Variants in RABGAP1L observed in about 807,000 individuals in gnomAD.
RABGAP1L encodes rab GTPase-activating protein 1-like.
A neutral mutation model predicts 137.7 loss-of-function variants in RABGAP1L; 63 were observed. The ratio of observed to expected loss-of-function variants is 0.46; its 90% CI spans 0.37 to 0.56. The LOEUF (loss-of-function observed/expected upper bound fraction) is 0.56. Among genes scored for constraint, RABGAP1L ranks in the 20% least tolerant of loss-of-function variants. The pLI, the probability that RABGAP1L is intolerant of heterozygous loss-of-function variation, is 0.00. For synonymous variants in RABGAP1L, 431 were observed against 433.7 expected (o/e 0.99, Z 0.08); for missense variants, 1,095 against 1,244.0 (o/e 0.88, Z 1.80).
At chr1:174,280,058 A>AGAGG in intron 10 of RABGAP1L, among the ~76,000 whole-genome samples, 1 of 143,236 alleles carries the variant, frequency 7.0e-6, no homozygotes, top group East Asian at 2.0e-4. Flanking sequence ...GGAGAGAGAG[A>AGAGG]GAGAGAGAGA....
At chr1:174,855,218 C>G (rs1339287103) in intron 19 of RABGAP1L, among the ~76,000 whole-genome samples, 1 of 151,992 alleles carries the variant, frequency 6.6e-6, no homozygotes, top group Non-Finnish European at 1.5e-5. Flanking sequence ...TAGTAGAGAC[C>G]AATCTATTTT....
At chr1:174,273,174 A>G (rs554307906) in intron 8 of RABGAP1L, among the ~76,000 whole-genome samples, 1 of 152,194 alleles carries the variant, frequency 6.6e-6, no homozygotes, top group South Asian at 2.1e-4. Flanking sequence ...AATAAGCACT[A>G]TATGCTTTCT....
chr1:174,543,179 A>T (rs1052306663), intron 13 of RABGAP1L, among the ~76,000 whole-genome samples: 1 of 152,092 alleles, frequency 6.6e-6, no homozygotes, highest in African/African-American at 2.4e-5. Context: ...GATCTGTCTA[A>T]TGTTGACAGT....
intron 7 of RABGAP1L, among the ~76,000 whole-genome samples, chr1:174,254,097 G>GT (rs796127326): frequency 0.032 from 4,666 of 145,960 alleles, 202 homozygotes; most frequent in African/African-American, 0.11. Flanking sequence ...GTTATCTGCT[G>GT]TTTTTTTTTT....
intron 18 of RABGAP1L, among the ~76,000 whole-genome samples, chr1:174,765,050 C>T (rs550745348): frequency 6.6e-6 from 1 of 152,170 alleles, no homozygotes; most frequent in African/African-American, 2.4e-5. Context: ...CTGTCCGTGT[C>T]AATCTCATCT....
At chr1:174,635,801 AT>A (rs1285453115) in intron 13 of RABGAP1L, among the ~76,000 whole-genome samples, 3 of 152,208 alleles carry the variant, frequency 2.0e-5, no homozygotes, top group Admixed American at 2.0e-4. Flanking sequence ...CCAGCATGAA[AT>A]AGCAACTGAA....
At chr1:174,905,743 C>A (rs530444146) in intron 19 of RABGAP1L, among the ~76,000 whole-genome samples, 1 of 152,016 alleles carries the variant, frequency 6.6e-6, no homozygotes, top group Non-Finnish European at 1.5e-5. Context: ...CCCAGCTACT[C>A]AGGAGGCTGA....
intron 12 of RABGAP1L, among the ~76,000 whole-genome samples, chr1:174,383,687 T>C (rs1255762832): frequency 6.6e-6 from 1 of 152,126 alleles, no homozygotes; most frequent in Non-Finnish European, 1.5e-5. Flanking sequence ...GCACCCACTG[T>C]CTGGCACTCC....
At chr1:174,414,919 A>G (rs1004624192) in intron 13 of RABGAP1L, among the ~76,000 whole-genome samples, 1 of 151,894 alleles carries the variant, frequency 6.6e-6, no homozygotes, top group African/African-American at 2.4e-5. Flanking sequence ...AGAAAAAAAA[A>G]TGGAAAAACC....
chr1:174,220,419 G>A (rs755335530), intron 2 of RABGAP1L, among the ~76,000 whole-genome samples: 21 of 152,256 alleles, frequency 1.4e-4, no homozygotes, highest in Non-Finnish European at 2.6e-4. Context: ...TGTACTCCCA[G>A]CACTTTGGGA....
At chr1:174,688,830 A>C (rs1196037935) in intron 15 of RABGAP1L, among the ~76,000 whole-genome samples, 1 of 152,174 alleles carries the variant, frequency 6.6e-6, no homozygotes. Context: ...AAAAAAGCAA[A>C]GTACAACATT....
Position 174,854,715 on chromosome 1 carries a change from C to CTTTTTTTTTTTT in RABGAP1L, c.2340+42789_2340+42800dup, listed in dbSNP as rs71117584. Among the ~76,000 whole-genome samples the CTTTTTTTTTTTT allele has an allele frequency of 3.7e-4, 21 of 56,870 alleles. 5 individuals carry two copies. The highest frequency in any genetic ancestry group is 6.0e-4 in the East Asian group (2 of 3,340). The allele number at this position is 56,870 out of a possible 152,430, so 37.3% of individuals were successfully genotyped here. A position where few individuals can be genotyped will look rare whatever the true frequency, so the allele number is the denominator to read the frequency against. On this transcript the variant is annotated intron_variant, in intron 19 of 25. Transcript: ENST00000681986. ...AACTGCAATAGACTCAATATAAATG[C>CTTTTTTTTTTTT]TTTTTTTTTTTTTTTTTTTTTTTTT... is the stretch of plus-strand genomic sequence containing the variant.
intron 1 of RABGAP1L, among the ~76,000 whole-genome samples, chr1:174,174,814 T>G (rs578112323): frequency 1.3e-5 from 2 of 152,306 alleles, no homozygotes; most frequent in East Asian, 3.9e-4. Flanking sequence ...CCCAGCAGAT[T>G]GGATGGTGCC....
intron 14 of RABGAP1L, among the ~76,000 whole-genome samples, chr1:174,664,731 TTTC>T (rs141464978): frequency 0.028 from 2,386 of 84,294 alleles, 324 homozygotes; most frequent in African/African-American, 0.18. Context: ...TTCTTTCTGC[TTTC>T]TTTTTTTTTT....
intron 13 of RABGAP1L, among the ~76,000 whole-genome samples, chr1:174,435,589 T>C (rs1166367098): frequency 6.6e-6 from 1 of 152,130 alleles, no homozygotes; most frequent in Admixed American, 6.5e-5. Context: ...TAAGTGTGGG[T>C]TTATTTTTAG....
chr1:174,854,358 A>G (rs1648891993), intron 19 of RABGAP1L, among the ~76,000 whole-genome samples: 1 of 152,154 alleles, frequency 6.6e-6, no homozygotes, highest in Non-Finnish European at 1.5e-5. Flanking sequence ...AGGCTAGAGA[A>G]TGTCACAGAG....
intron 19 of RABGAP1L, among the ~76,000 whole-genome samples, chr1:174,856,473 G>A (rs979745581): frequency 6.6e-6 from 1 of 151,288 alleles, no homozygotes; most frequent in South Asian, 2.1e-4. Context: ...TATACTTCTA[G>A]CCCCATACAA....
chr1:174,345,782 G>T (rs966864012), intron 11 of RABGAP1L, among the ~76,000 whole-genome samples: 1 of 152,036 alleles, frequency 6.6e-6, no homozygotes, highest in Non-Finnish European at 1.5e-5. Flanking sequence ...GTACTATGTC[G>T]AATAACTGTG....
intron 13 of RABGAP1L, among the ~76,000 whole-genome samples, chr1:174,607,378 G>A (rs1670867194): frequency 6.6e-6 from 1 of 152,132 alleles, no homozygotes; most frequent in Non-Finnish European, 1.5e-5. Context: ...CTGTGGTGTT[G>A]CAATACCTGC....
Sources: gnomAD v4.1 joint callset for allele counts (sites outside exome capture counted in the v4.1 genomes callset) on GRCh38, gnomAD v4.1.1 for gene constraint, MANE v1.5 for transcripts, NCBI Gene and HGNC (gene_info 2026-07-23, HGNC 2026-07-21) for gene names.